Variants in GABRB1 observed in about 807,000 individuals in gnomAD.
The protein encoded by GABRB1 is gamma-aminobutyric acid receptor subunit beta-1.
A neutral mutation model predicts 51.6 loss-of-function variants in GABRB1; 17 were observed. That is an observed-to-expected ratio of 0.33 (90% CI 0.23 to 0.49). The LOEUF (loss-of-function observed/expected upper bound fraction) is 0.49. Ranked by LOEUF, GABRB1 falls within the 20% of genes least tolerant of loss-of-function variation. The pLI is 0.99. For synonymous variants in GABRB1, 247 were observed against 218.9 expected (o/e 1.13, Z -1.14); for missense variants, 410 against 600.6 (o/e 0.68, Z 3.32).
chr4:47,307,180 C>A (rs966787422), intron 4 of GABRB1, among the ~76,000 whole-genome samples: 30 of 151,974 alleles, frequency 2.0e-4, no homozygotes, highest in African/African-American at 3.1e-4. Context: ...TTTATAATTT[C>A]TTTGTTATAG....
At chr4:47,222,923 G>A (rs936478437) in intron 4 of GABRB1, among the ~76,000 whole-genome samples, 1 of 151,862 alleles carries the variant, frequency 6.6e-6, no homozygotes, top group African/African-American at 2.4e-5. Flanking sequence ...CTTAGGTTTT[G>A]TATTATAATT....
intron 3 of GABRB1, among the ~76,000 whole-genome samples, chr4:47,110,948 G>T (rs1439856140): frequency 6.6e-6 from 1 of 152,094 alleles, no homozygotes; most frequent in Non-Finnish European, 1.5e-5. Context: ...TGAGGCAAGT[G>T]AATTTAGATT....
At chr4:47,257,002 A>G (rs1722229973) in intron 4 of GABRB1, among the ~76,000 whole-genome samples, 1 of 152,128 alleles carries the variant, frequency 6.6e-6, no homozygotes, top group Non-Finnish European at 1.5e-5. Context: ...TCCACTTGCC[A>G]CTTCATATCC....
intron 4 of GABRB1, among the ~76,000 whole-genome samples, chr4:47,203,127 A>T (rs571478973): frequency 3.9e-5 from 6 of 152,164 alleles, no homozygotes; most frequent in Non-Finnish European, 8.8e-5. Flanking sequence ...TCTGTGGTTG[A>T]TGTAACTTAA....
chr4:47,309,203 T>C (rs1377124085), intron 4 of GABRB1, among the ~76,000 whole-genome samples: 4 of 152,102 alleles, frequency 2.6e-5, no homozygotes, highest in Non-Finnish European at 5.9e-5. Context: ...ACCCTGACAC[T>C]GGAACTTTGA....
chr4:47,024,933 C>CATATATATATATATATATATATATAT (rs34532575), intron 1 of GABRB1, among the ~76,000 whole-genome samples: 1,851 of 85,630 alleles, frequency 0.022, 114 homozygotes, highest in East Asian at 0.03. Context: ...AGTATTCCAT[C>CATATATATATATATATATATATATAT]ATATATATAT....
intron 4 of GABRB1, among the ~76,000 whole-genome samples, chr4:47,161,865 A>G (rs1717970130): frequency 6.6e-6 from 1 of 152,194 alleles, no homozygotes; most frequent in South Asian, 2.1e-4. Context: ...AAATCCTTCC[A>G]TGTACCATGA....
At chr4:47,018,049 C>T (rs1018679340) in intron 1 of GABRB1, among the ~76,000 whole-genome samples, 4 of 150,390 alleles carry the variant, frequency 2.7e-5, no homozygotes, top group Non-Finnish European at 5.9e-5. Flanking sequence ...CGTCATCTTC[C>T]TCCTCCTCCT....
chr4:47,404,291 A>G lies in GABRB1; in HGVS notation c.835+580A>G, dbSNP rs190849284. 9.6e-3 allele frequency among the ~76,000 whole-genome samples: 1,457 copies of G among 152,240 alleles called. 23 individuals carry two copies. Among genetic ancestry groups the G allele is most frequent in the African/African-American group, 0.033 (1,389 of 41,528 alleles). ...AAATGATTTCCTTCTTGGGGGAACA[A>G]AATTTAGAACTAATCCTGTCATGGT... On this transcript the variant is annotated intron_variant, in intron 7 of 8. Coordinates refer to ENST00000295454, the MANE Select transcript of GABRB1 (RefSeq NM_000812.4).
intron 1 of GABRB1, among the ~76,000 whole-genome samples, chr4:47,016,101 T>C (rs913407704): frequency 5.3e-5 from 8 of 152,108 alleles, no homozygotes; most frequent in African/African-American, 1.7e-4. Context: ...AATAGGAGTA[T>C]ATCAGTGCTA....
At chr4:47,211,016 CAGAGTG>C (rs1312670983) in intron 4 of GABRB1, among the ~76,000 whole-genome samples, 5 of 152,184 alleles carry the variant, frequency 3.3e-5, no homozygotes. Context: ...TCCCTAGAGG[CAGAGTG>C]CTTAGCTTCT....
chr4:47,382,658 A>G (rs1182398513), intron 5 of GABRB1, among the ~76,000 whole-genome samples: 1 of 152,216 alleles, frequency 6.6e-6, no homozygotes, highest in African/African-American at 2.4e-5. Flanking sequence ...AGTGAAAAGT[A>G]TCATCACTGC....
chr4:47,115,926 A>T (rs1383327947), intron 3 of GABRB1, among the ~76,000 whole-genome samples: 2 of 152,100 alleles, frequency 1.3e-5, no homozygotes, highest in African/African-American at 4.8e-5. Flanking sequence ...CATTTTTTAA[A>T]TTTTATTTTA....
chr4:47,306,641 A>G (rs1250235852), intron 4 of GABRB1, among the ~76,000 whole-genome samples: 1 of 152,142 alleles, frequency 6.6e-6, no homozygotes, highest in East Asian at 1.9e-4. Flanking sequence ...GTACATTTTT[A>G]AAAATTTGCT....
chr4:47,207,728 C>T (rs529820650), intron 4 of GABRB1, among the ~76,000 whole-genome samples: 9 of 152,056 alleles, frequency 5.9e-5, no homozygotes, highest in Non-Finnish European at 1.3e-4. Flanking sequence ...TTCTCTTCAC[C>T]TACAGAGCTA....
chr4:47,083,992 T>C (rs1727960993), intron 3 of GABRB1, among the ~76,000 whole-genome samples: 1 of 151,982 alleles, frequency 6.6e-6, no homozygotes, highest in Non-Finnish European at 1.5e-5. Context: ...AAGGAAAAAA[T>C]ATCTGTAAAA....
At chr4:47,117,244 A>G (rs578245412) in intron 3 of GABRB1, among the ~76,000 whole-genome samples, 1 of 152,326 alleles carries the variant, frequency 6.6e-6, no homozygotes, top group South Asian at 2.1e-4. Context: ...GTTGAATTAT[A>G]GGGATCAAGG....
chr4:47,421,480 C>T (rs1175354043), intron 8 of GABRB1, among the ~76,000 whole-genome samples: 1 of 151,954 alleles, frequency 6.6e-6, no homozygotes, highest in African/African-American at 2.4e-5. Flanking sequence ...AATGCTATGT[C>T]CTCCACCTGG....
chr4:47,220,778 C>A (rs550518796), intron 4 of GABRB1, among the ~76,000 whole-genome samples: 1 of 151,830 alleles, frequency 6.6e-6, no homozygotes, highest in East Asian at 1.9e-4. Context: ...GGTTTCAGTG[C>A]CCCCCCTTTC....
Sources: allele counts gnomAD v4.1 joint callset (sites outside exome capture counted in the v4.1 genomes callset), GRCh38; gene constraint gnomAD v4.1.1; transcripts MANE v1.5; gene names NCBI Gene and HGNC (gene_info 2026-07-23, HGNC 2026-07-21).